The following UGT2A2 variants were observed in gnomAD, a reference collection of about 807,000 sequenced individuals.
The protein encoded by UGT2A2 is UDP-glucuronosyltransferase 2A2.
UGT2A2 carries 60 observed loss-of-function variants against 50.7 expected under a neutral mutation model. That is an observed-to-expected ratio of 1.18 (90% CI 0.96 to 1.47). The LOEUF (loss-of-function observed/expected upper bound fraction) is 1.47, where lower values mean the gene tolerates loss of function less well. Ranked by LOEUF, UGT2A2 falls within the 40% of genes most tolerant of loss-of-function variation. The pLI, the probability that UGT2A2 is intolerant of heterozygous loss-of-function variation, is 0.00. For missense variants in UGT2A2, 762 were observed against 634.0 expected (o/e 1.20, Z -2.17); for synonymous variants, 242 against 214.6 (o/e 1.13, Z -1.11).
chr4:69,618,203 G>GTGTGTGTATGTT (rs1553905683), intron 1 of UGT2A2, among the ~76,000 whole-genome samples: 7 of 92,208 alleles, frequency 7.6e-5, no homozygotes, highest in African/African-American at 1.2e-4. Flanking sequence ...GTGTGTGTGT[G>GTGTGTGTATGTT]TGTGTGTGTG....
chr4:69,635,006 G>A (rs190746056), intron 1 of UGT2A2, among the ~76,000 whole-genome samples: 117 of 152,078 alleles, frequency 7.7e-4, no homozygotes, highest in Non-Finnish European at 1.3e-3. Flanking sequence ...ATGCTTGAGG[G>A]GATGGATACC....
At chr4:69,637,556 A>G (rs937149826) in intron 1 of UGT2A2, among the ~76,000 whole-genome samples, 6 of 151,998 alleles carry the variant, frequency 3.9e-5, no homozygotes, top group African/African-American at 1.4e-4. Context: ...TCTGACTTTC[A>G]CTTCCCTCAG....
chr4:69,600,682 G>A (rs983091888), intron 1 of UGT2A2, among the ~76,000 whole-genome samples: 3 of 152,086 alleles, frequency 2.0e-5, no homozygotes, highest in Non-Finnish European at 4.4e-5. Flanking sequence ...AGGAAGCATA[G>A]TGGTTTCTGC....
intron 1 of UGT2A2, among the ~76,000 whole-genome samples, chr4:69,617,365 C>A (rs942611135): frequency 6.6e-6 from 1 of 151,398 alleles, no homozygotes; most frequent in African/African-American, 2.4e-5. Context: ...TTGTTGACGG[C>A]GTAAAAATAA....
At chr4:69,591,024 G>C (rs1216333765) in intron 5 of UGT2A2, among the ~76,000 whole-genome samples, 1 of 152,056 alleles carries the variant, frequency 6.6e-6, no homozygotes, top group South Asian at 2.1e-4. Context: ...GGTGGTATTT[G>C]GTTTAGGGTT....
chr4:69,617,417 T>C (rs1412353829), intron 1 of UGT2A2, among the ~76,000 whole-genome samples: 3 of 151,968 alleles, frequency 2.0e-5, no homozygotes, highest in African/African-American at 7.2e-5. Context: ...AGATATAATA[T>C]ATATGTTTAT....
intron 5 of UGT2A2, among the ~76,000 whole-genome samples, chr4:69,593,967 C>CTTTTTTTTTTTTTTTTTTTTTTTT (rs200066453): frequency 2.8e-5 from 3 of 107,818 alleles, no homozygotes; most frequent in African/African-American, 3.5e-5. Context: ...TATTTGAAGT[C>CTTTTTTTTTTTTTTTTTTTTTTTT]TTTTTTTTTG....
chr4:69,603,877 A>C (rs961167017), intron 1 of UGT2A2, among the ~76,000 whole-genome samples: 1 of 136,378 alleles, frequency 7.3e-6, no homozygotes, highest in Non-Finnish European at 1.6e-5. Context: ...AAAAAGAATA[A>C]AAAGAAACGA....
rs1295674883 is a variant in UGT2A2 at position 69,639,070 on chromosome 4, G to A, written c.571C>T (p.His191Tyr). The change falls in exon 1 of 6, where the codon CAC (histidine) becomes TAC (tyrosine). Residue 191 changes from histidine to tyrosine, a missense_variant. Physicochemically the swap from His to Tyr is moderately conservative, Grantham distance 83. Coordinates refer to ENST00000604629, the MANE Select transcript of UGT2A2 (RefSeq NM_001105677.2). ...ACTGGTGCTGGGATTTTCCCACAGTGTCTCTCCACTGTTGATGCTGGAGAG... is the reference window on the plus strand; with the variant it reads ...ACTGGTGCTGGGATTTTCCCACAGTATCTCTCCACTGTTGATGCTGGAGAG... The part of the protein sequence containing the change: ...RFSPASTVER[H>Y]CGKIPAPVSY... The A allele has an allele frequency of 6.2e-7, 1 of 1,613,402 alleles. No individual in the cohort carries two copies. Among genetic ancestry groups the A allele is most frequent in the East Asian group, 2.2e-5 (1 of 44,862 alleles).
intron 1 of UGT2A2, among the ~76,000 whole-genome samples, chr4:69,625,378 G>T (rs1347704155): frequency 6.6e-6 from 1 of 150,572 alleles, no homozygotes. Context: ...ATTTTTTTCT[G>T]CTGATGCTCC....
At chr4:69,631,294 CAAAG>C (rs998412262) in intron 1 of UGT2A2, among the ~76,000 whole-genome samples, 15 of 133,922 alleles carry the variant, frequency 1.1e-4, no homozygotes, top group African/African-American at 4.0e-4. Context: ...TGATGTTTGT[CAAAG>C]AGAGAGTTAC....
intron 2 of UGT2A2, among the ~76,000 whole-genome samples, chr4:69,598,007 G>C (rs1481557198): frequency 6.6e-6 from 1 of 152,092 alleles, no homozygotes; most frequent in African/African-American, 2.4e-5. Context: ...GTGTGTTTGT[G>C]TAAAAAGTGG....
At chr4:69,616,944 C>T (rs1481693269) in intron 1 of UGT2A2, among the ~76,000 whole-genome samples, 2 of 149,546 alleles carry the variant, frequency 1.3e-5, no homozygotes, top group African/African-American at 2.5e-5. Context: ...GAAATATCTG[C>T]ATAAGTTTCT....
At chr4:69,601,360 T>A (rs1007144292) in intron 1 of UGT2A2, among the ~76,000 whole-genome samples, 4 of 152,072 alleles carry the variant, frequency 2.6e-5, no homozygotes, top group African/African-American at 9.7e-5. Flanking sequence ...GGACAGAGAA[T>A]TTGGGGAGCT....
intron 1 of UGT2A2, among the ~76,000 whole-genome samples, chr4:69,601,537 G>A (rs1255788686): frequency 2.0e-5 from 3 of 152,128 alleles, no homozygotes; most frequent in Non-Finnish European, 4.4e-5. Context: ...ACAACCCCAA[G>A]AAGGAAAACA....
intron 5 of UGT2A2, among the ~76,000 whole-genome samples, chr4:69,590,992 C>T (rs1259508763): frequency 6.6e-6 from 1 of 152,138 alleles, no homozygotes; most frequent in East Asian, 1.9e-4. Flanking sequence ...ATATACTCTA[C>T]ACTATACCTT....
At position 69,594,660 on chromosome 4, in the gene UGT2A2, C is replaced by A; in HGVS notation, c.1148G>T (p.Gly383Val). 6.2e-7 allele frequency: 1 copy of A among 1,614,008 alleles called. No homozygotes were observed. Among genetic ancestry groups the A allele is most frequent in the Non-Finnish European group, 8.5e-7 (1 of 1,179,978 alleles). The change falls in exon 5 of 6, where the codon GGA (glycine) becomes GTA (valine). Residue 383 changes from glycine (G) to valine (V), a missense_variant. By Grantham distance (109) the Gly-to-Val change is moderately radical (BLOSUM62 -3). Transcript: ENST00000604629. ...AATAGCTTCGTAGATCCCATTAGTT[C>A]CACCATGAGTGATAAAAGCTTTGGT... is the stretch of plus-strand genomic sequence containing the variant. The part of the protein sequence containing the change: ...PKTKAFITHG[G>V]TNGIYEAIYH...
chr4:69,619,224 A>T (rs1720595358), intron 1 of UGT2A2, among the ~76,000 whole-genome samples: 2 of 151,730 alleles, frequency 1.3e-5, no homozygotes, highest in Admixed American at 1.3e-4. Flanking sequence ...ACAGGGAGAC[A>T]TATCTCTATA....
chr4:69,609,015 G>T (rs182146756), intron 1 of UGT2A2, among the ~76,000 whole-genome samples: 85 of 151,988 alleles, frequency 5.6e-4, no homozygotes, highest in African/African-American at 2.0e-3. Flanking sequence ...TAAAGAGTAT[G>T]ATTAATATAT....
Sources: gnomAD v4.1 joint callset for allele counts (sites outside exome capture counted in the v4.1 genomes callset) on GRCh38, gnomAD v4.1.1 for gene constraint, MANE v1.5 for transcripts, NCBI Gene and HGNC (gene_info 2026-07-23, HGNC 2026-07-21) for gene names.